AGAP1: variants seen among roughly 807,000 people sequenced by gnomAD.
The protein encoded by AGAP1 is arf-GAP with GTPase, ANK repeat and PH domain-containing protein 1.
In AGAP1, 29 loss-of-function variants were observed where a neutral mutation model predicts 105.3. The ratio of observed to expected loss-of-function variants is 0.28; its 90% CI spans 0.21 to 0.38. The LOEUF is 0.38. Among genes scored for constraint, AGAP1 ranks in the 10% least tolerant of loss-of-function variants. The probability of loss-of-function intolerance (pLI) is 1.00; values close to 1 mark genes in which losing one functional copy is unlikely to be tolerated. For missense variants in AGAP1, 998 were observed against 1,165.1 expected (o/e 0.86, Z 2.09); for synonymous variants, 509 against 485.9 (o/e 1.05, Z -0.63).
chr2:236,100,782 A>T lies in AGAP1; in HGVS notation c.2115-19410A>T, dbSNP rs373738528. On this transcript the variant is annotated intron_variant, in intron 16 of 17. Coordinates refer to ENST00000304032, the MANE Select transcript of AGAP1 (RefSeq NM_001037131.3). The stretch of plus-strand genomic sequence containing the variant: ...GAAGCGGAGGCTGCAGTGAGCCGAG[A>T]TCGTGTCACTGCACTCCACCCTGGG... 2.0e-5 allele frequency among the ~76,000 whole-genome samples: 3 copies of T among 151,798 alleles called. No homozygotes were observed. In the East Asian group the frequency reaches 5.8e-4, roughly 29 times the overall value.
Position 235,594,883 on chromosome 2 carries a change from G to GTTTTT in AGAP1, c.163+100053_163+100057dup, listed in dbSNP as rs34386154. ...GCCACTGCGCCCGGCCCAGATTGCT[G>GTTTTT]TTTTTTTTTTTTTTTTTTTTTTTAT... is the stretch of plus-strand genomic sequence containing the variant. On this transcript the variant is annotated intron_variant, in intron 1 of 17. Transcript: ENST00000304032. 3.0e-3 allele frequency among the ~76,000 whole-genome samples: 331 copies of GTTTTT among 109,836 alleles called. 4 individuals carry two copies. The highest frequency in any genetic ancestry group is 3.6e-3 in the Non-Finnish European group (206 of 56,900). The allele number at this position is 109,836 out of a possible 152,430, so 72.1% of individuals were successfully genotyped here.
At position 235,923,890 on chromosome 2, in the gene AGAP1, A is replaced by AT. The variant is rs1240973527; in HGVS notation, c.1325-6875_1325-6874insT. On this transcript the variant is annotated intron_variant, in intron 11 of 17. Transcript: ENST00000304032. ...AGAAATCTTAAAGGAGGAAAAAAAA[A>AT]GAAGTGGACTTGAAATGTTTTATGA... is the stretch of plus-strand genomic sequence containing the variant. Among the ~76,000 whole-genome samples, 14 of 152,356 alleles carry AT rather than the reference A, an allele frequency of 9.2e-5. No homozygotes were observed. In the East Asian group the frequency reaches 2.7e-3, roughly 29 times the overall value.
chr2:235,594,981 G>A (rs1945477115), intron 1 of AGAP1, among the ~76,000 whole-genome samples: 1 of 147,668 alleles, frequency 6.8e-6, no homozygotes, highest in Admixed American at 6.9e-5. Flanking sequence ...GCTGGAACCA[G>A]AGCACCAGGC....
rs182782965 is a variant in AGAP1, at chr2:235,661,191, G to A, written c.164-47988G>A. On this transcript the variant is annotated intron_variant, in intron 1 of 17. Transcript: ENST00000304032. ...ACAGTAGAGGGAGAGTGGACTCTTC[G>A]GGTAGTTCAGACAGATACGCAGGTG... Among the ~76,000 whole-genome samples, 357 of 152,208 alleles carry A rather than the reference G, an allele frequency of 2.3e-3. 2 individuals are homozygous for A. The highest frequency in any genetic ancestry group is 7.6e-3 in the African/African-American group (315 of 41,520).
intron 1 of AGAP1, among the ~76,000 whole-genome samples, chr2:235,543,502 C>T (rs186317858): frequency 2.0e-5 from 3 of 152,280 alleles, no homozygotes; most frequent in East Asian, 1.9e-4. Context: ...AGCTGGGGCT[C>T]GGCCTGGTCT....
intron 9 of AGAP1, among the ~76,000 whole-genome samples, chr2:235,839,599 G>A (rs371586716): frequency 6.6e-6 from 1 of 152,178 alleles, no homozygotes; most frequent in Non-Finnish European, 1.5e-5. Context: ...AAAACAAAAC[G>A]TGATGTTGGA....
At chr2:236,028,595 G>A (rs568721805) in intron 13 of AGAP1, among the ~76,000 whole-genome samples, 1 of 152,290 alleles carries the variant, frequency 6.6e-6, no homozygotes, top group African/African-American at 2.4e-5. Flanking sequence ...GCCAACTGCT[G>A]TTATGATTTT....
intron 13 of AGAP1, among the ~76,000 whole-genome samples, chr2:236,006,823 A>T (rs772941267): frequency 1.3e-5 from 2 of 152,194 alleles, no homozygotes; most frequent in Non-Finnish European, 2.9e-5. Flanking sequence ...CTAACATAAA[A>T]TTAACTTTGC....
At chr2:235,543,512 T>C (rs1943522423) in intron 1 of AGAP1, among the ~76,000 whole-genome samples, 1 of 152,312 alleles carries the variant, frequency 6.6e-6, no homozygotes. Flanking sequence ...CGGCCTGGTC[T>C]ACCTGGCTGG....
At chr2:235,684,035 C>T (rs1559346888) in intron 1 of AGAP1, among the ~76,000 whole-genome samples, 2 of 151,890 alleles carry the variant, frequency 1.3e-5, no homozygotes, top group East Asian at 1.9e-4. Flanking sequence ...TGAACTCATC[C>T]TTTTTTTGTT....
chr2:235,746,377 CTTTTTTTTTTTTTTTTTTTTTTTTT>C (rs1172393048), intron 5 of AGAP1, among the ~76,000 whole-genome samples: 3 of 55,546 alleles, frequency 5.4e-5, no homozygotes, highest in Non-Finnish European at 6.1e-5. Flanking sequence ...CCTCCCCCAA[CTTTTTTTTTTTTTTTTTTTTTTTTT>C]TTTTTTTTTA....
At chr2:236,013,713 C>T (rs1331486242) in intron 13 of AGAP1, among the ~76,000 whole-genome samples, 5 of 152,212 alleles carry the variant, frequency 3.3e-5, no homozygotes, top group Non-Finnish European at 7.3e-5. Flanking sequence ...TGTGAGACCC[C>T]TTCTTCAGAA....
chr2:235,838,519 T>C (rs1489790057), intron 9 of AGAP1, among the ~76,000 whole-genome samples: 3 of 152,198 alleles, frequency 2.0e-5, no homozygotes, highest in African/African-American at 7.2e-5. Flanking sequence ...AATATTATGA[T>C]GTGATTAACT....
chr2:235,775,070 A>T (rs1575422358), intron 6 of AGAP1, among the ~76,000 whole-genome samples: 2 of 152,274 alleles, frequency 1.3e-5, no homozygotes, highest in Admixed American at 1.3e-4. Context: ...AAGCAAAAGG[A>T]CTGGGTGAAC....
chr2:235,941,369 T>G (rs1438620709), intron 12 of AGAP1, among the ~76,000 whole-genome samples: 3 of 152,212 alleles, frequency 2.0e-5, no homozygotes, highest in Non-Finnish European at 4.4e-5. Flanking sequence ...AAGTATTTAT[T>G]GACCACTTAC....
chr2:235,959,232 C>T lies in AGAP1; in HGVS notation c.1484-9230C>T, dbSNP rs1161959420. Among the ~76,000 whole-genome samples the T allele has an allele frequency of 6.6e-6, 1 of 152,208 alleles. No individual in the cohort carries two copies. On this transcript the variant is annotated intron_variant, in intron 12 of 17. Transcript: ENST00000304032. This position sits in a 1 kb window ranked among gnomAD's most constrained non-coding sequence, Gnocchi z 7.3. ...AATAAAATGCATTCTTTGTATGCAG[C>T]CAGGAGGAGCGGATGGCGCTCCGTG...
In AGAP1 at chr2:235,962,293, C is replaced by T. The variant is rs77628453; in HGVS notation, c.1484-6169C>T. ...TGTGCATGGCACCACCCTCTCCCAG[C>T]CCTGGCCCATGACGGTGCTGAGCAG... On this transcript the variant is annotated intron_variant, in intron 12 of 17. Coordinates refer to ENST00000304032, the MANE Select transcript of AGAP1 (RefSeq NM_001037131.3). This position sits in a 1 kb window ranked among gnomAD's most constrained non-coding sequence, Gnocchi z 5.3. 1.1e-3 allele frequency among the ~76,000 whole-genome samples: 174 copies of T among 152,220 alleles called. 1 individual carries two copies. Among genetic ancestry groups the T allele is most frequent in the African/African-American group, 4.1e-3 (169 of 41,566 alleles).
rs1166790222 is a variant in AGAP1, at chr2:235,984,254, A to AT, written c.1645+15632dup. On this transcript the variant is annotated intron_variant, in intron 13 of 17. Coordinates refer to ENST00000304032, the MANE Select transcript of AGAP1 (RefSeq NM_001037131.3). The stretch of plus-strand genomic sequence containing the variant: ...GTACACCATTCTTTTTAAAGGATGG[A>AT]TAATATTCCATAGTGTGGATTTACA... Among the ~76,000 whole-genome samples the AT allele has an allele frequency of 2.0e-5, 3 of 152,172 alleles. No homozygotes were observed. In the East Asian group the frequency reaches 5.8e-4, roughly 29 times the overall value.
At position 235,824,245 on chromosome 2, in the gene AGAP1, C is replaced by T. The variant is rs1266011071; in HGVS notation, c.1050+16914C>T. Among the ~76,000 whole-genome samples the T allele has an allele frequency of 6.6e-6, 1 of 152,216 alleles. No individual in the cohort carries two copies. The highest frequency in any genetic ancestry group is 1.5e-5 in the Non-Finnish European group (1 of 68,036). On this transcript the variant is annotated intron_variant, in intron 9 of 17. Transcript: ENST00000304032. The surrounding 1 kb of genome is among the most constrained non-coding windows in gnomAD (Gnocchi z 5.2). ...AGGCCTTCTGTGAGATCCCTTTCCCCTTAATACAGAAATCCTCTAAGTGTA... is the reference window on the plus strand; with the variant it reads ...AGGCCTTCTGTGAGATCCCTTTCCCTTTAATACAGAAATCCTCTAAGTGTA...
Sources: allele counts gnomAD v4.1 joint callset (sites outside exome capture counted in the v4.1 genomes callset), GRCh38; gene constraint gnomAD v4.1.1; non-coding constraint Gnocchi (gnomAD v3.1); transcripts MANE v1.5; gene names NCBI Gene and HGNC (gene_info 2026-07-23, HGNC 2026-07-21).